Variants in COL4A1 observed in about 807,000 individuals in gnomAD.
The protein encoded by COL4A1 is collagen type IV alpha 1 chain, also known as collagen alpha-1(IV) chain.
COL4A1 carries 40 observed loss-of-function variants against 216.6 expected under a neutral mutation model. That is an observed-to-expected ratio of 0.18 (90% CI 0.14 to 0.24). The LOEUF is 0.24. Ranked by LOEUF, COL4A1 falls within the 10% of genes least tolerant of loss-of-function variation. The pLI is 1.00. For missense variants in COL4A1, 1,628 were observed against 2,196.8 expected (o/e 0.74, Z 5.18); for synonymous variants, 839 against 810.7 (o/e 1.03, Z -0.59).
At chr13:110,194,211 T>A (rs1227651812) in intron 22 of COL4A1, among the ~76,000 whole-genome samples, 1 of 152,218 alleles carries the variant, frequency 6.6e-6, no homozygotes, top group Non-Finnish European at 1.5e-5. Context: ...CTGCAGTGTA[T>A]GTGGCTGTCA....
intron 1 of COL4A1, among the ~76,000 whole-genome samples, chr13:110,257,572 A>G (rs9634591): frequency 0.16 from 24,370 of 152,184 alleles, 2,287 homozygotes; most frequent in Non-Finnish European, 0.21. Flanking sequence ...AATGACATAC[A>G]CTGGTATTTG....
intron 23 of COL4A1, 80 bp downstream of exon 23, chr13:110,192,750 G>T: frequency 1.6e-6 from 2 of 1,236,436 alleles, no homozygotes; most frequent in Non-Finnish European, 2.4e-6. Context: ...GCCTTCTATG[G>T]AGTGAAATCC....
At chr13:110,235,643 A>G (rs1881282520) in intron 2 of COL4A1, among the ~76,000 whole-genome samples, 1 of 132,978 alleles carries the variant, frequency 7.5e-6, no homozygotes, top group African/African-American at 2.7e-5. Context: ...TGGGCGACAG[A>G]GTAAGACTCT....
At chr13:110,266,779 C>G (rs749970901) in intron 1 of COL4A1, among the ~76,000 whole-genome samples, 9 of 152,180 alleles carry the variant, frequency 5.9e-5, no homozygotes, top group Non-Finnish European at 1.2e-4. Context: ...AACTTAATCT[C>G]AAATGGCACA....
intron 24 of COL4A1, among the ~76,000 whole-genome samples, chr13:110,188,871 C>A (rs1047462753): frequency 1.3e-5 from 2 of 152,208 alleles, no homozygotes; most frequent in African/African-American, 4.8e-5. Context: ...ATTCCATCTT[C>A]CATACCAACC....
At chr13:110,195,361 GAA>G (rs768142389) in intron 21 of COL4A1, among the ~76,000 whole-genome samples, 10 of 152,124 alleles carry the variant, frequency 6.6e-5, no homozygotes, top group Non-Finnish European at 1.3e-4. Flanking sequence ...CACAAATTCT[GAA>G]GTATCTGTAG....
At chr13:110,186,903 C>A (rs991830385) in intron 25 of COL4A1, among the ~76,000 whole-genome samples, 1 of 152,190 alleles carries the variant, frequency 6.6e-6, no homozygotes, top group Non-Finnish European at 1.5e-5. Context: ...TTCAGTTCCC[C>A]CAAATGCATC....
chr13:110,228,133 AC>A (rs1880831046), intron 2 of COL4A1, among the ~76,000 whole-genome samples: 1 of 150,750 alleles, frequency 6.6e-6, no homozygotes, highest in African/African-American at 2.4e-5. Flanking sequence ...ATCGCGGAGC[AC>A]CTGCCAAGCC....
chr13:110,295,507 C>T (rs1884242748), intron 1 of COL4A1, among the ~76,000 whole-genome samples: 1 of 149,542 alleles, frequency 6.7e-6, no homozygotes, highest in South Asian at 2.1e-4. Flanking sequence ...CTCATTGCAA[C>T]CTCCACCTCC....
At position 110,286,164 on chromosome 13, in the gene COL4A1, C is replaced by T. The variant is rs1294938325; in HGVS notation, c.84+20780G>A. ...GGGGCAATACTGACAAGACCAAGAA[C>T]GACCAAGGACAGCATTGGCTCAAAG... On this transcript the variant is annotated intron_variant, in intron 1 of 51. Transcript: ENST00000375820. Among the ~76,000 whole-genome samples the T allele has an allele frequency of 3.3e-5, 5 of 152,304 alleles. No homozygotes were observed. In the East Asian group the frequency reaches 7.7e-4, roughly 24 times the overall value.
At chr13:110,214,105 T>A (rs191891710) in intron 2 of COL4A1, 90 bp from the exon 3 acceptor site, 375 of 1,056,566 alleles carry the variant, frequency 3.5e-4, no homozygotes, top group Middle Eastern at 6.5e-4. Flanking sequence ...ATATATATAT[T>A]TTTTTTGAGA....
Position 110,198,596 on chromosome 13 carries a change from A to C in COL4A1, c.1156T>G (p.Phe386Val). Reference protein sequence around the residue: ...PVPGQAGAPGFPGERGEKGDR... With the variant: ...PVPGQAGAPGVPGERGEKGDR... The stretch of plus-strand genomic sequence containing the variant: ...CCTTTTTCTCCTCTTTCACCAGGGA[A>C]GCCAGGGGCACCAGCCTGCCCAGGT... The change falls in exon 21 of 52, where the codon TTC becomes GTC. Residue 386 changes from phenylalanine (F) to valine (V), a missense_variant. Physicochemically the swap from Phe to Val is conservative, Grantham distance 50. Coordinates refer to ENST00000375820, the MANE Select transcript of COL4A1 (RefSeq NM_001845.6). The C allele has an allele frequency of 6.2e-7, 1 of 1,614,070 alleles. No homozygotes were observed. Among genetic ancestry groups the C allele is most frequent in the Non-Finnish European group, 8.5e-7 (1 of 1,180,028 alleles).
intron 38 of COL4A1, 39 bp from the exon 39 acceptor site, chr13:110,174,565 T>G (rs752927195): frequency 6.2e-7 from 1 of 1,614,172 alleles, no homozygotes; most frequent in East Asian, 2.2e-5. Flanking sequence ...TCCATAAGTT[T>G]GGGCTTTTCT....
intron 23 of COL4A1, among the ~76,000 whole-genome samples, chr13:110,192,523 C>T (rs1275053388): frequency 1.3e-5 from 2 of 152,176 alleles, no homozygotes; most frequent in African/African-American, 4.8e-5. Context: ...GCCCCCCTGC[C>T]CACACACCCA....
chr13:110,286,352 G>C (rs987411671), intron 1 of COL4A1, among the ~76,000 whole-genome samples: 1 of 152,196 alleles, frequency 6.6e-6, no homozygotes, highest in African/African-American at 2.4e-5. Context: ...TGCAGGCAGA[G>C]TAGGAGGGCT....
chr13:110,192,190 A>C, intron 24 of COL4A1, 24 bp downstream of exon 24: 1 of 1,612,804 alleles, frequency 6.2e-7, no homozygotes, highest in Non-Finnish European at 8.5e-7. Context: ...TGATATGTAC[A>C]TGAACTCAGA....
At chr13:110,281,235 G>C (rs929352536) in intron 1 of COL4A1, among the ~76,000 whole-genome samples, 7 of 152,236 alleles carry the variant, frequency 4.6e-5, no homozygotes, top group Middle Eastern at 3.4e-3. Flanking sequence ...ACGACTCTGG[G>C]AAGACTAACC....
chr13:110,240,413 C>T (rs1473717937), intron 2 of COL4A1, among the ~76,000 whole-genome samples: 1 of 152,360 alleles, frequency 6.6e-6, no homozygotes, highest in East Asian at 1.9e-4. Flanking sequence ...GCTCTGCTGA[C>T]TCCCAGTGTC....
In COL4A1 at chr13:110,179,293, G is replaced by A. The variant is rs1878036457; in HGVS notation, c.2322C>T (p.Pro774=). Residue 774 remains proline, a synonymous_variant, in exon 30 of 52, where the codon CCC becomes CCT. Coordinates refer to ENST00000375820, the MANE Select transcript of COL4A1 (RefSeq NM_001845.6). ...TACCTCTGATCCCCTGAAGCCCAGG[G>A]GGTCCGATCGCTCCATGTTCTCCAG... ...GVPGEHGAIG[P]PGLQGIRGEP... 1 of 1,614,102 alleles carries A rather than the reference G, an allele frequency of 6.2e-7. No individual in the cohort carries two copies. The highest frequency in any genetic ancestry group is 1.3e-5 in the African/African-American group (1 of 75,006).
Sources: gnomAD v4.1 joint callset for allele counts (sites outside exome capture counted in the v4.1 genomes callset) on GRCh38, gnomAD v4.1.1 for gene constraint, MANE v1.5 for transcripts, NCBI Gene and HGNC (gene_info 2026-07-23, HGNC 2026-07-21) for gene names.